The following PRUNE2 variants were observed in gnomAD, a reference collection of about 807,000 sequenced individuals.
PRUNE2 encodes the protein prune homolog 2 with BCH domain.
In PRUNE2, 164 loss-of-function variants were observed where a neutral mutation model predicts 252.0. The observed-to-expected ratio is 0.65, with a 90% CI of 0.57 to 0.74. The LOEUF is 0.74. PRUNE2 is among the 30% of genes least tolerant of loss of function. PRUNE2 has a pLI of 0.00. For synonymous variants in PRUNE2, 1,292 were observed against 1,350.2 expected (o/e 0.96, Z 0.94); for missense variants, 3,495 against 3,711.0 (o/e 0.94, Z 1.51).
At chr9:76,771,444 A>G (rs1323990477) in intron 6 of PRUNE2, among the ~76,000 whole-genome samples, 1 of 152,206 alleles carries the variant, frequency 6.6e-6, no homozygotes, top group East Asian at 1.9e-4. Context: ...AGAAAGAGCT[A>G]TGAAGCAGAG....
At chr9:76,748,573 G>C (rs2050339999) in intron 6 of PRUNE2, 1 of 152,172 alleles carries the variant, frequency 6.6e-6, no homozygotes, top group Admixed American at 6.5e-5. Context: ...TGGTGGCACA[G>C]GTCTATAAAT....
chr9:76,754,999 CA>C (rs999441246), intron 6 of PRUNE2, among the ~76,000 whole-genome samples: 1 of 124,716 alleles, frequency 8.0e-6, no homozygotes, highest in Non-Finnish European at 1.8e-5. Context: ...CCCAAAAAAA[CA>C]AAAGCAAAAA....
At chr9:76,639,019 C>T (rs1012686527) in intron 12 of PRUNE2, among the ~76,000 whole-genome samples, 67 of 152,202 alleles carry the variant, frequency 4.4e-4, no homozygotes, top group African/African-American at 1.5e-3. Context: ...AGGACTGGAC[C>T]AGGCTTAAGC....
chr9:76,805,653 A>G (rs1413326036), intron 6 of PRUNE2, among the ~76,000 whole-genome samples: 2 of 152,218 alleles, frequency 1.3e-5, no homozygotes, highest in Non-Finnish European at 2.9e-5. Context: ...AGCAGTAGCT[A>G]AAGAAACACG....
intron 6 of PRUNE2, among the ~76,000 whole-genome samples, chr9:76,822,504 C>T (rs555889795): frequency 2.6e-5 from 4 of 152,246 alleles, no homozygotes; most frequent in African/African-American, 9.6e-5. Flanking sequence ...TAGTCAACAT[C>T]ACCATGAGAA....
chr9:76,737,679 C>A (rs2049198474), intron 6 of PRUNE2: 1 of 152,216 alleles, frequency 6.6e-6, no homozygotes, highest in African/African-American at 2.4e-5. Flanking sequence ...TAAGAGATTT[C>A]TTTTCTCTTC....
intron 1 of PRUNE2, among the ~76,000 whole-genome samples, chr9:76,872,049 GC>G (rs1179671052): frequency 2.0e-5 from 3 of 151,880 alleles, no homozygotes; most frequent in Non-Finnish European, 2.9e-5. Flanking sequence ...CTATTGTTTG[GC>G]CCCACCTAGA....
chr9:76,764,282 C>T (rs1340735418), intron 6 of PRUNE2, among the ~76,000 whole-genome samples: 9 of 152,220 alleles, frequency 5.9e-5, no homozygotes, highest in South Asian at 4.2e-4. Flanking sequence ...TTAATAGCAA[C>T]GTGTCAACAT....
intron 12 of PRUNE2, among the ~76,000 whole-genome samples, chr9:76,639,652 G>C (rs1256582189): frequency 6.6e-6 from 1 of 152,170 alleles, no homozygotes; most frequent in Non-Finnish European, 1.5e-5. Flanking sequence ...CTCATAAGAG[G>C]AGGAAAACTA....
chr9:76,846,173 G>T (rs564581221), intron 4 of PRUNE2, among the ~76,000 whole-genome samples: 120 of 152,150 alleles, frequency 7.9e-4, no homozygotes, highest in Non-Finnish European at 1.4e-3. Context: ...TGGCATTCTC[G>T]TCCCTATCAT....
At position 76,705,181 on chromosome 9, in the gene PRUNE2, A is replaced by C. The variant is rs1168592730; in HGVS notation, c.7093T>G (p.Leu2365Val). 6.2e-7 allele frequency: 1 copy of C among 1,614,004 alleles called. No individual in the cohort carries two copies. The highest frequency in any genetic ancestry group is 8.5e-7 in the Non-Finnish European group (1 of 1,179,884). Residue 2365 changes from leucine to valine, a missense_variant, in exon 8 of 19, where the codon TTA becomes GTA. Physicochemically the swap from Leu to Val is conservative, Grantham distance 32. Transcript: ENST00000376718. ...DVMGQNIDED[L>V]LREPEHFLYG... ...AGGAAGTGTTCAGGCTCTCTCAGTAAATCTTCATCGATATTCTGGCCCATT... is the reference window on the plus strand; with the variant it reads ...AGGAAGTGTTCAGGCTCTCTCAGTACATCTTCATCGATATTCTGGCCCATT...
At chr9:76,720,406 G>A (rs2047532168) in intron 6 of PRUNE2, among the ~76,000 whole-genome samples, 1 of 152,182 alleles carries the variant, frequency 6.6e-6, no homozygotes, top group African/African-American at 2.4e-5. Context: ...AGCCAAACAT[G>A]AGGTTAACCC....
intron 9 of PRUNE2, among the ~76,000 whole-genome samples, chr9:76,691,126 C>T (rs1307323056): frequency 6.6e-6 from 1 of 152,208 alleles, no homozygotes; most frequent in Non-Finnish European, 1.5e-5. Flanking sequence ...CCCATTTTCT[C>T]TACAGGAGGG....
chr9:76,714,327 C>G (rs1004942235), intron 6 of PRUNE2, among the ~76,000 whole-genome samples: 1 of 152,114 alleles, frequency 6.6e-6, no homozygotes, highest in African/African-American at 2.4e-5. Context: ...CTCAGATTAC[C>G]CAGATGTGGC....
At position 76,797,671 on chromosome 9, in the gene PRUNE2, C is replaced by T. The variant is rs142127718; in HGVS notation, c.756+25961G>A. Reference sequence around the variant, plus strand: ...GTCTTTTTCATAGATCTTGAACCGCCCCCCACCCTGCCCCCCGCAACCAAG... The same window carrying T: ...GTCTTTTTCATAGATCTTGAACCGCTCCCCACCCTGCCCCCCGCAACCAAG... On this transcript the variant is annotated intron_variant, in intron 6 of 18. Transcript: ENST00000376718. Among the ~76,000 whole-genome samples the T allele has an allele frequency of 6.8e-3, 1,029 of 151,424 alleles. 10 individuals are homozygous for T. Among genetic ancestry groups the T allele is most frequent in the African/African-American group, 0.022 (915 of 41,218 alleles).
intron 4 of PRUNE2, among the ~76,000 whole-genome samples, chr9:76,841,927 C>A (rs1409805237): frequency 2.6e-5 from 4 of 152,148 alleles, no homozygotes; most frequent in African/African-American, 9.7e-5. Context: ...AATCTGCTAT[C>A]CCTATTGAAT....
At chr9:76,717,745 G>A (rs1021742965) in intron 6 of PRUNE2, among the ~76,000 whole-genome samples, 1 of 152,078 alleles carries the variant, frequency 6.6e-6, no homozygotes, top group Admixed American at 6.5e-5. Flanking sequence ...ATGGAATTTA[G>A]GAAGTTACTT....
chr9:76,739,802 T>G (rs980851965), intron 6 of PRUNE2: 10 of 152,254 alleles, frequency 6.6e-5, no homozygotes, highest in African/African-American at 2.4e-4. Context: ...ATGTTAACTA[T>G]CCACCAGGCG....
chr9:76,869,954 C>A lies in PRUNE2; in HGVS notation c.37-15746G>T, dbSNP rs116078918. 5.0e-3 allele frequency among the ~76,000 whole-genome samples: 763 copies of A among 152,246 alleles called. 7 individuals are homozygous for A. Among genetic ancestry groups the A allele is most frequent in the African/African-American group, 0.018 (730 of 41,542 alleles). The stretch of plus-strand genomic sequence containing the variant: ...TTATTTTTGTAATTTTAAGGGAGAT[C>A]ATTAACTAAATAGATTATGGAAGGG... On this transcript the variant is annotated intron_variant, in intron 1 of 18. Transcript: ENST00000376718.
Sources: allele counts gnomAD v4.1 joint callset (sites outside exome capture counted in the v4.1 genomes callset), GRCh38; gene constraint gnomAD v4.1.1; transcripts MANE v1.5; gene names NCBI Gene and HGNC (gene_info 2026-07-23, HGNC 2026-07-21).